The following GPM6A variants were observed in gnomAD, a reference collection of about 807,000 sequenced individuals.
GPM6A encodes the protein glycoprotein M6A, also known as neuronal membrane glycoprotein M6-a.
GPM6A carries 7 observed loss-of-function variants against 32.1 expected under a neutral mutation model. That is an observed-to-expected ratio of 0.22 (90% CI 0.12 to 0.41). The LOEUF (loss-of-function observed/expected upper bound fraction) is 0.41. Ranked by LOEUF, GPM6A falls within the 10% of genes least tolerant of loss-of-function variation. The pLI is 1.00. For missense variants in GPM6A, 235 were observed against 347.2 expected, an observed-to-expected ratio of 0.68 and a Z score of 2.57; for synonymous variants, 130 against 123.4, an observed-to-expected ratio of 1.05 and a Z score of -0.35.
At chr4:175,817,507 G>A (rs1177217969) in intron 1 of GPM6A, among the ~76,000 whole-genome samples, 1 of 152,236 alleles carries the variant, frequency 6.6e-6, no homozygotes, top group African/African-American at 2.4e-5. Context: ...GATGGCACAT[G>A]AGCCTACCTC....
chr4:175,652,331 T>C (rs1741856412), intron 3 of GPM6A, among the ~76,000 whole-genome samples: 1 of 152,194 alleles, frequency 6.6e-6, no homozygotes, highest in South Asian at 2.1e-4. Flanking sequence ...TTAGAAAGTA[T>C]TCACTTTGCA....
chr4:175,949,992 T>C (rs2126371174), intron 1 of GPM6A, among the ~76,000 whole-genome samples: 1 of 152,312 alleles, frequency 6.6e-6, no homozygotes, highest in African/African-American at 2.4e-5. Context: ...TCAGACAATG[T>C]ATAAACACCA....
intron 3 of GPM6A, among the ~76,000 whole-genome samples, chr4:175,668,986 C>T (rs1441317701): frequency 6.6e-6 from 1 of 152,146 alleles, no homozygotes; most frequent in African/African-American, 2.4e-5. Flanking sequence ...CTTCATCACC[C>T]ACCATGTACC....
intron 2 of GPM6A, among the ~76,000 whole-genome samples, chr4:175,675,483 T>C (rs1455998540): frequency 6.6e-6 from 1 of 152,078 alleles, no homozygotes; most frequent in Non-Finnish European, 1.5e-5. Flanking sequence ...CACCAATATA[T>C]AAGTACTTGT....
At chr4:175,975,747 GATTT>G (rs569946467) in intron 1 of GPM6A, among the ~76,000 whole-genome samples, 3 of 152,222 alleles carry the variant, frequency 2.0e-5, no homozygotes, top group Admixed American at 6.5e-5. Context: ...CAACAGAAAA[GATTT>G]ATTAATCAAA....
At chr4:175,983,891 G>T (rs561166487) in intron 1 of GPM6A, among the ~76,000 whole-genome samples, 1 of 152,110 alleles carries the variant, frequency 6.6e-6, no homozygotes, top group East Asian at 1.9e-4. Flanking sequence ...GACTCCCCAG[G>T]GAAGCATCTG....
chr4:175,736,182 A>AT (rs138254933), intron 1 of GPM6A, among the ~76,000 whole-genome samples: 3,144 of 151,928 alleles, frequency 0.021, 42 homozygotes, highest in Non-Finnish European at 0.034. Context: ...ACCATGCCTA[A>AT]TTTTTTCTTT....
At chr4:175,987,550 G>GTGTGTT (rs1561024317) in intron 1 of GPM6A, among the ~76,000 whole-genome samples, 1 of 151,788 alleles carries the variant, frequency 6.6e-6, no homozygotes. Flanking sequence ...GTGTGTGTGT[G>GTGTGTT]TGTTTGTCTT....
At chr4:175,727,590 T>G (rs1410502164) in intron 1 of GPM6A, among the ~76,000 whole-genome samples, 1 of 152,224 alleles carries the variant, frequency 6.6e-6, no homozygotes, top group African/African-American at 2.4e-5. Flanking sequence ...GTGGTCTGAT[T>G]TGCCATGGAT....
At chr4:175,967,596 T>C (rs929994630) in intron 1 of GPM6A, among the ~76,000 whole-genome samples, 2 of 152,182 alleles carry the variant, frequency 1.3e-5, no homozygotes, top group Admixed American at 1.3e-4. Context: ...GGTTAATATA[T>C]AATAGTCAAT....
intron 1 of GPM6A, among the ~76,000 whole-genome samples, chr4:175,908,337 A>C (rs1426959642): frequency 4.6e-5 from 7 of 152,116 alleles, no homozygotes; most frequent in Non-Finnish European, 1.0e-4. Flanking sequence ...AACTTATCTG[A>C]CCTTGAACAT....
At chr4:175,991,179 C>T (rs1400553205) in intron 1 of GPM6A, among the ~76,000 whole-genome samples, 3 of 150,988 alleles carry the variant, frequency 2.0e-5, no homozygotes, top group Admixed American at 6.6e-5. Context: ...GATTCTCCTG[C>T]CTCAGCCTCC....
At chr4:175,636,863 AT>A (rs950155108) in intron 6 of GPM6A, among the ~76,000 whole-genome samples, 4 of 143,518 alleles carry the variant, frequency 2.8e-5, no homozygotes, top group African/African-American at 7.6e-5. Flanking sequence ...TATTATATAT[AT>A]TTTACATACA....
chr4:175,998,389 T>A (rs1741375562), intron 1 of GPM6A, among the ~76,000 whole-genome samples: 1 of 152,128 alleles, frequency 6.6e-6, no homozygotes, highest in Non-Finnish European at 1.5e-5. Context: ...TGGCTTCAAC[T>A]GATCCACCCA....
intron 1 of GPM6A, among the ~76,000 whole-genome samples, chr4:175,723,036 C>G (rs1746227127): frequency 6.6e-6 from 1 of 152,068 alleles, no homozygotes; most frequent in Non-Finnish European, 1.5e-5. Flanking sequence ...GTGACAGAGA[C>G]CCCGTCTAAA....
intron 1 of GPM6A, among the ~76,000 whole-genome samples, chr4:175,754,758 G>C (rs1052690625): frequency 6.6e-6 from 1 of 152,048 alleles, no homozygotes; most frequent in Non-Finnish European, 1.5e-5. Flanking sequence ...GGCTAGTGTA[G>C]AGCTGTAAAT....
At chr4:175,750,976 G>A (rs978383694) in intron 1 of GPM6A, among the ~76,000 whole-genome samples, 33 of 152,120 alleles carry the variant, frequency 2.2e-4, no homozygotes, top group Middle Eastern at 6.8e-3. Flanking sequence ...TCGTTTATTC[G>A]CAGATAAAGT....
At chr4:175,907,751 C>G (rs956814555) in intron 1 of GPM6A, among the ~76,000 whole-genome samples, 6 of 152,148 alleles carry the variant, frequency 3.9e-5, no homozygotes, top group Admixed American at 6.6e-5. Flanking sequence ...TTAGATCACA[C>G]TTTATATCCA....
intron 1 of GPM6A, among the ~76,000 whole-genome samples, chr4:175,904,439 T>TAC (rs781647042): frequency 6.6e-6 from 1 of 152,090 alleles, no homozygotes; most frequent in Admixed American, 6.6e-5. Flanking sequence ...TGTATACATA[T>TAC]ACACACACAT....
Sources: gnomAD v4.1 joint callset for allele counts (sites outside exome capture counted in the v4.1 genomes callset) on GRCh38, gnomAD v4.1.1 for gene constraint, MANE v1.5 for transcripts, NCBI Gene and HGNC (gene_info 2026-07-23, HGNC 2026-07-21) for gene names.